Variants in ZNF609 observed in about 807,000 individuals in gnomAD.
The protein encoded by ZNF609 is zinc finger protein 609.
Under a neutral mutation model 109.5 loss-of-function variants are expected in ZNF609, and 11 were observed. That is an observed-to-expected ratio of 0.10 (90% CI 0.06 to 0.17). The LOEUF (loss-of-function observed/expected upper bound fraction) is 0.17. Among genes scored for constraint, ZNF609 ranks in the 10% least tolerant of loss-of-function variants. The pLI is 1.00. For missense variants in ZNF609, 1,559 were observed against 1,772.4 expected, an observed-to-expected ratio of 0.88 and a Z score of 2.16; for synonymous variants, 646 against 662.0, an observed-to-expected ratio of 0.98 and a Z score of 0.37.
intron 2 of ZNF609, among the ~76,000 whole-genome samples, chr15:64,583,235 C>T (rs1287422776): frequency 2.0e-5 from 3 of 151,398 alleles, no homozygotes; most frequent in Non-Finnish European, 4.4e-5. Context: ...GTTTCATCAT[C>T]TTGGCCAGGA....
At chr15:64,483,419 C>A (rs534005555) in intron 1 of ZNF609, among the ~76,000 whole-genome samples, 1 of 149,486 alleles carries the variant, frequency 6.7e-6, no homozygotes, top group South Asian at 2.1e-4. Flanking sequence ...CAAGTTCTTA[C>A]CCTGTCAGCC....
chr15:64,663,380 G>C (rs1224538391), intron 3 of ZNF609, among the ~76,000 whole-genome samples: 1 of 152,184 alleles, frequency 6.6e-6, no homozygotes, highest in Non-Finnish European at 1.5e-5. Context: ...CATTACCTCA[G>C]ATAGGGAGAA....
At chr15:64,558,278 AC>A (rs1207268048) in intron 2 of ZNF609, among the ~76,000 whole-genome samples, 1 of 137,474 alleles carries the variant, frequency 7.3e-6, no homozygotes, top group African/African-American at 2.5e-5. Context: ...TGCCACCCCT[AC>A]CCCCACCTCC....
chr15:64,518,160 G>T lies in ZNF609; in HGVS notation c.747+17994G>T, dbSNP rs374509307. 8.5e-5 allele frequency among the ~76,000 whole-genome samples: 13 copies of T among 152,328 alleles called. No individual in the cohort carries two copies. The East Asian group carries it at 2.5e-3, about 29-fold the overall frequency. Reference sequence around the variant, plus strand: ...CTTTGATGAGTAATGATAACATAGGGTATTGTGGGTGCACAGTGGTGGCCA... The same window carrying T: ...CTTTGATGAGTAATGATAACATAGGTTATTGTGGGTGCACAGTGGTGGCCA... On this transcript the variant is annotated intron_variant, in intron 2 of 9. Coordinates refer to ENST00000326648, the MANE Select transcript of ZNF609 (RefSeq NM_015042.2).
intron 1 of ZNF609, among the ~76,000 whole-genome samples, chr15:64,497,315 T>C (rs552641702): frequency 4.9e-4 from 75 of 152,324 alleles, no homozygotes; most frequent in African/African-American, 1.7e-3. Context: ...ATATATTTTC[T>C]TCCCACATCT....
Position 64,500,079 on chromosome 15 carries a change from G to GGCA in ZNF609, c.663_665dup (p.Ala222dup), listed in dbSNP as rs779550160. The GGCA allele has an allele frequency of 6.2e-7, 1 of 1,614,114 alleles. No homozygotes were observed. The highest frequency in any genetic ancestry group is 1.1e-5 in the South Asian group (1 of 91,082). ...TTGGGAGTATAGCTATTGAGCCTGG[G>GGCA]GCAGCGCTCAATCCTTTGGGAACTA... On this transcript the variant is annotated inframe_insertion, in exon 2 of 10. Coordinates refer to ENST00000326648, the MANE Select transcript of ZNF609 (RefSeq NM_015042.2).
At chr15:64,659,239 C>G (rs1896538952) in intron 3 of ZNF609, among the ~76,000 whole-genome samples, 1 of 152,086 alleles carries the variant, frequency 6.6e-6, no homozygotes, top group African/African-American at 2.4e-5. Flanking sequence ...TGGACATTTA[C>G]CACACACACT....
Position 64,593,163 on chromosome 15 carries a change from A to T in ZNF609, c.748-29664A>T, listed in dbSNP as rs368567971. ...TCTGAAGCGAGCGTCTTCGATGCCT[A>T]TGTGCTTCCCAAGCTGTATGTGAAG... On this transcript the variant is annotated intron_variant, in intron 2 of 9. Coordinates refer to ENST00000326648, the MANE Select transcript of ZNF609 (RefSeq NM_015042.2). 1.9e-5 allele frequency: 30 copies of T among 1,549,264 alleles called. No homozygotes were observed. In the East Asian group the frequency reaches 6.3e-4, roughly 32 times the overall value.
At chr15:64,660,290 TGA>T (rs1455028496) in intron 3 of ZNF609, among the ~76,000 whole-genome samples, 1 of 152,188 alleles carries the variant, frequency 6.6e-6, no homozygotes, top group Non-Finnish European at 1.5e-5. Context: ...TTTGTTTCAG[TGA>T]GAGTTCATTC....
intron 2 of ZNF609, among the ~76,000 whole-genome samples, chr15:64,515,675 A>T (rs1893795480): frequency 3.3e-5 from 5 of 152,060 alleles, no homozygotes; most frequent in Admixed American, 3.3e-4. Context: ...AGTGGCTCAC[A>T]TCTGTAATCC....
intron 1 of ZNF609, among the ~76,000 whole-genome samples, chr15:64,493,611 T>C (rs1893444739): frequency 6.6e-6 from 1 of 152,180 alleles, no homozygotes; most frequent in South Asian, 2.1e-4. Flanking sequence ...TGACAACTCA[T>C]GGTGGACAAG....
chr15:64,612,461 C>G (rs1270209050), intron 2 of ZNF609, among the ~76,000 whole-genome samples: 2 of 151,876 alleles, frequency 1.3e-5, no homozygotes, highest in Non-Finnish European at 2.9e-5. Flanking sequence ...TATATAGCTT[C>G]TTAGAACTGT....
chr15:64,604,094 T>TTTGCATTC (rs1895555438), intron 2 of ZNF609, among the ~76,000 whole-genome samples: 1 of 152,162 alleles, frequency 6.6e-6, no homozygotes, highest in Non-Finnish European at 1.5e-5. Context: ...ACTTACCTCT[T>TTTGCATTC]TTGCATTCTT....
At chr15:64,517,118 A>T (rs1408908665) in intron 2 of ZNF609, among the ~76,000 whole-genome samples, 2 of 152,120 alleles carry the variant, frequency 1.3e-5, no homozygotes, top group Non-Finnish European at 2.9e-5. Context: ...GCTCACTCCT[A>T]TAAACCCAGC....
At chr15:64,576,396 G>A (rs1894953286) in intron 2 of ZNF609, among the ~76,000 whole-genome samples, 1 of 151,584 alleles carries the variant, frequency 6.6e-6, no homozygotes, top group African/African-American at 2.4e-5. Context: ...CTCTAGTCAT[G>A]TGCTTCTTAG....
chr15:64,557,720 G>A (rs1004414721), intron 2 of ZNF609, among the ~76,000 whole-genome samples: 11 of 151,888 alleles, frequency 7.2e-5, no homozygotes, highest in Admixed American at 1.3e-4. Flanking sequence ...TTTTTGGGAC[G>A]GAGTCTCGCT....
At chr15:64,681,244 C>T (rs1896880922) in intron 8 of ZNF609, 65 bp from the exon 9 acceptor site, 7 of 1,498,982 alleles carry the variant, frequency 4.7e-6, no homozygotes, top group Non-Finnish European at 6.5e-6. Context: ...CCCCAAAACT[C>T]AGGGAAAAAG....
chr15:64,473,805 T>G lies in ZNF609; in HGVS notation c.-128+12967T>G, dbSNP rs141930412. Reference sequence around the variant, plus strand: ...ATTTTTTTGAGATGGAGTCTCAGTCTGTCGCCCACACCCCGTCTCAGTGCA... The same window carrying G: ...ATTTTTTTGAGATGGAGTCTCAGTCGGTCGCCCACACCCCGTCTCAGTGCA... On this transcript the variant is annotated intron_variant, in intron 1 of 9. Coordinates refer to ENST00000326648, the MANE Select transcript of ZNF609 (RefSeq NM_015042.2). Among the ~76,000 whole-genome samples, 1,009 of 152,162 alleles carry G rather than the reference T, an allele frequency of 6.6e-3. 10 individuals carry two copies. Among genetic ancestry groups the G allele is most frequent in the African/African-American group, 0.023 (944 of 41,524 alleles).
chr15:64,512,831 T>TA (rs554158540), intron 2 of ZNF609, among the ~76,000 whole-genome samples: 16 of 152,002 alleles, frequency 1.1e-4, no homozygotes, highest in African/African-American at 2.4e-4. Flanking sequence ...CATACTTTTT[T>TA]AAAAAAAACT....
Sources: allele counts gnomAD v4.1 joint callset (sites outside exome capture counted in the v4.1 genomes callset), GRCh38; gene constraint gnomAD v4.1.1; transcripts MANE v1.5; gene names NCBI Gene and HGNC (gene_info 2026-07-23, HGNC 2026-07-21).